Variants in OR5A1 observed in about 807,000 individuals in gnomAD.
The protein encoded by OR5A1 is olfactory receptor family 5 subfamily A member 1, also known as olfactory receptor 5A1.
A neutral mutation model predicts 6.7 loss-of-function variants in OR5A1; 6 were observed. The observed-to-expected ratio is 0.89, with a 90% CI of 0.49 to 1.76. OR5A1 has a LOEUF of 1.76. OR5A1 is among the 40% of genes most tolerant of loss of function. The pLI is 0.01. For missense variants in OR5A1, 378 were observed against 381.7 expected (o/e 0.99, Z 0.08); for synonymous variants, 170 against 155.0 (o/e 1.10, Z -0.72).
Position 59,448,604 on chromosome 11 carries a change from G to A in OR5A1, c.*4488G>A, listed in dbSNP as rs1484402775. Reference sequence around the variant, plus strand: ...ATCAAATGCCACTTCCCCCAAGGAAGCATTCCCAGACTCCCTGGACCTCAC... The same window carrying A: ...ATCAAATGCCACTTCCCCCAAGGAAACATTCCCAGACTCCCTGGACCTCAC... On this transcript the variant is annotated 3_prime_UTR_variant, in exon 2 of 2. Transcript: ENST00000641045. 1 of 152,148 alleles carries A rather than the reference G, an allele frequency of 6.6e-6. No homozygotes were observed. The highest frequency in any genetic ancestry group is 1.5e-5 in the Non-Finnish European group (1 of 68,030). 9.4% of individuals were successfully genotyped at this position (152,148 alleles called of 1,614,324 possible). A position where few individuals can be genotyped will look rare whatever the true frequency, so the allele number is the denominator to read the frequency against.
At position 59,451,040 on chromosome 11, in the gene OR5A1, G is replaced by A. The variant is rs972631621; in HGVS notation, c.*6924G>A. ...TCCTAAAGTAGAAATTTTGAGTCAC[G>A]GGGTTTGTACATATTACATTTTGAC... On this transcript the variant is annotated 3_prime_UTR_variant, in exon 2 of 2. Coordinates refer to ENST00000641045, the MANE Select transcript of OR5A1 (RefSeq NM_001004728.2). The A allele has an allele frequency of 6.6e-6, 1 of 152,050 alleles. No individual in the cohort carries two copies. Among genetic ancestry groups the A allele is most frequent in the African/African-American group, 2.4e-5 (1 of 41,408 alleles). The allele number at this position is 152,050 out of a possible 1,614,324, so 9.4% of individuals were successfully genotyped here.
rs1246636103 is a variant in OR5A1, at chr11:59,448,534, G to GA, written c.*4424dup. On this transcript the variant is annotated 3_prime_UTR_variant, in exon 2 of 2. Coordinates refer to ENST00000641045, the MANE Select transcript of OR5A1 (RefSeq NM_001004728.2). ...AAAATTGATTTTTAGAAATCTCTTA[G>GA]AAAAAATTTAAAACATTATATAAAT... The GA allele has an allele frequency of 1.3e-5, 2 of 152,264 alleles. No individual in the cohort carries two copies. The highest frequency in any genetic ancestry group is 2.9e-5 in the Non-Finnish European group (2 of 68,018). The allele number at this position is 152,264 out of a possible 1,614,324, so 9.4% of individuals were successfully genotyped here.
At chr11:59,438,627 C>T (rs1031390784) in intron 1 of OR5A1, among the ~76,000 whole-genome samples, 17 of 152,138 alleles carry the variant, frequency 1.1e-4, no homozygotes, top group African/African-American at 4.1e-4. Context: ...CATTTGAGCC[C>T]TTGCAACTAC....
chr11:59,443,810 C>A lies in OR5A1; in HGVS notation c.642C>A (p.Phe214Leu). 2.5e-6 allele frequency: 4 copies of A among 1,614,110 alleles called. No individual in the cohort carries two copies. The highest frequency in any genetic ancestry group is 3.4e-6 in the Non-Finnish European group (4 of 1,180,012). ...LVVVTVGGTS[F>L]LQLLISYGYI... ...TGGTCACTGTCGGAGGAACATCGTT[C>A]CTCCAACTCCTTATCTCCTATGGTT... The change falls in exon 2 of 2, where the codon TTC (phenylalanine) becomes TTA (leucine). Residue 214 changes from phenylalanine to leucine, a missense_variant. Coordinates refer to ENST00000641045, the MANE Select transcript of OR5A1 (RefSeq NM_001004728.2).
rs35421205 is a variant in OR5A1, at chr11:59,444,319, GAAAA to G, written c.*220_*223del. ...GCCAAAAAGGGAAGGAATTTCTTCAGAAAAAAAAAAAAAAAAAAAAGAACCTCCC... is the reference window on the plus strand; with the variant it reads ...GCCAAAAAGGGAAGGAATTTCTTCAGAAAAAAAAAAAAAAAAGAACCTCCC... On this transcript the variant is annotated 3_prime_UTR_variant, in exon 2 of 2. Transcript: ENST00000641045. The G allele has an allele frequency of 2.1e-4, 17 of 81,428 alleles. No individual in the cohort carries two copies. Among genetic ancestry groups the G allele is most frequent in the Non-Finnish European group, 3.0e-4 (13 of 43,648 alleles). 5.0% of individuals were successfully genotyped at this position (81,428 alleles called of 1,614,324 possible).
rs915134731 is a variant in OR5A1, at chr11:59,445,870, C to A, written c.*1754C>A. ...TTTAGATAGGGTTGTTTGTTTTTTTCTTGTAAATTTGTTTAAGTTACCTTT... is the reference window on the plus strand; with the variant it reads ...TTTAGATAGGGTTGTTTGTTTTTTTATTGTAAATTTGTTTAAGTTACCTTT... On this transcript the variant is annotated 3_prime_UTR_variant, in exon 2 of 2. Coordinates refer to ENST00000641045, the MANE Select transcript of OR5A1 (RefSeq NM_001004728.2). 6 of 151,658 alleles carry A rather than the reference C, an allele frequency of 4.0e-5. No individual in the cohort carries two copies. Among genetic ancestry groups the A allele is most frequent in the African/African-American group, 1.5e-4 (6 of 41,312 alleles). 9.4% of individuals were successfully genotyped at this position (151,658 alleles called of 1,614,324 possible).
intron 1 of OR5A1, among the ~76,000 whole-genome samples, chr11:59,441,173 C>T (rs926649599): frequency 5.3e-5 from 8 of 152,106 alleles, no homozygotes; most frequent in Non-Finnish European, 8.8e-5. Flanking sequence ...AGTATTACTT[C>T]CCAAATTGTG....
rs776638250 is a variant in OR5A1 at position 59,443,136 on chromosome 11, G to A, written c.-33G>A. The A allele has an allele frequency of 2.6e-5, 40 of 1,539,344 alleles. No homozygotes were observed. The highest frequency in any genetic ancestry group is 3.4e-5 in the Non-Finnish European group (38 of 1,116,048). On this transcript the variant is annotated splice_region_variant and 5_prime_UTR_variant, in exon 2 of 2. Transcript: ENST00000641045. Reference sequence around the variant, plus strand: ...ATGTGGACTGTCATTACTATCCCAGGTCTGCATCTTGTCCTTGTGGTCCAC... The same window carrying A: ...ATGTGGACTGTCATTACTATCCCAGATCTGCATCTTGTCCTTGTGGTCCAC...
At chr11:59,441,745 T>A (rs952940454) in intron 1 of OR5A1, among the ~76,000 whole-genome samples, 4 of 152,182 alleles carry the variant, frequency 2.6e-5, no homozygotes, top group Non-Finnish European at 5.9e-5. Flanking sequence ...AGATGCTTCA[T>A]GCACTAAAAA....
intron 1 of OR5A1, among the ~76,000 whole-genome samples, chr11:59,441,827 A>G (rs1306422067): frequency 6.6e-6 from 1 of 152,202 alleles, no homozygotes; most frequent in Non-Finnish European, 1.5e-5. Context: ...ACAAATACTT[A>G]TAGAACAGTT....
rs910613620 is a variant in OR5A1 at position 59,449,796 on chromosome 11, T to C, written c.*5680T>C. On this transcript the variant is annotated 3_prime_UTR_variant, in exon 2 of 2. Transcript: ENST00000641045. The stretch of plus-strand genomic sequence containing the variant: ...TGGCGTAAAGGAAAACAAATACTTG[T>C]TGGGGAACTACTGCACATCAGGAGT... The C allele has an allele frequency of 6.6e-6, 1 of 152,158 alleles. No homozygotes were observed. Among genetic ancestry groups the C allele is most frequent in the South Asian group, 2.1e-4 (1 of 4,836 alleles). 9.4% of individuals were successfully genotyped at this position (152,158 alleles called of 1,614,324 possible). A position where few individuals can be genotyped will look rare whatever the true frequency, so the allele number is the denominator to read the frequency against.
chr11:59,440,662 T>C (rs1434312648), intron 1 of OR5A1, among the ~76,000 whole-genome samples: 1 of 152,192 alleles, frequency 6.6e-6, no homozygotes, highest in Admixed American at 6.5e-5. Context: ...CTTCTTGTTT[T>C]AGCTCCCAGT....
At position 59,442,357 on chromosome 11, in the gene OR5A1, G is replaced by A. The variant is rs180768309; in HGVS notation, c.-33-779G>A. 6.9e-3 allele frequency among the ~76,000 whole-genome samples: 1,048 copies of A among 152,262 alleles called. 13 individuals carry two copies. The highest frequency in any genetic ancestry group is 0.024 in the African/African-American group (986 of 41,550). The stretch of plus-strand genomic sequence containing the variant: ...CTCAGGAGGCTGAAGCGGGAGAATC[G>A]CTTGAACCCAGGAGGCGGAGGTTGC... On this transcript the variant is annotated intron_variant, in intron 1 of 1. Transcript: ENST00000641045.
chr11:59,444,010 A>G lies in OR5A1; in HGVS notation c.842A>G (p.Tyr281Cys), dbSNP rs374387013. 6.8e-6 allele frequency: 11 copies of G among 1,613,902 alleles called. No homozygotes were observed. In the African/African-American group the frequency reaches 9.4e-5, roughly 14 times the overall value. The change falls in exon 2 of 2, where the codon TAT (tyrosine) becomes TGT (cysteine). Residue 281 changes from tyrosine (Y) to cysteine (C), a missense_variant. Coordinates refer to ENST00000641045, the MANE Select transcript of OR5A1 (RefSeq NM_001004728.2). ...AGGGACAAGGTGGTGTCTGTTTTCT[A>G]TTCATTGGTGATCCCCATGCTGAAC... ...LGRDKVVSVF[Y>C]SLVIPMLNPL...
rs1236183089 is a variant in OR5A1 at position 59,443,895 on chromosome 11, A to T, written c.727A>T (p.Thr243Ser). 6.2e-7 allele frequency: 1 copy of T among 1,614,038 alleles called. No homozygotes were observed. Among genetic ancestry groups the T allele is most frequent in the Non-Finnish European group, 8.5e-7 (1 of 1,179,982 alleles). ...SAEGRWKACN[T>S]CASHLMVVTL... Reference sequence around the variant, plus strand: ...AGAGGGCCGATGGAAAGCCTGCAACACGTGTGCCTCGCATCTGATGGTGGT... The same window carrying T: ...AGAGGGCCGATGGAAAGCCTGCAACTCGTGTGCCTCGCATCTGATGGTGGT... The change falls in exon 2 of 2, where the codon ACG (threonine) becomes TCG (serine). Residue 243 changes from threonine to serine, a missense_variant. Coordinates refer to ENST00000641045, the MANE Select transcript of OR5A1 (RefSeq NM_001004728.2).
Position 59,443,975 on chromosome 11 carries a change from C to T in OR5A1, c.807C>T (p.Tyr269=). The change falls in exon 2 of 2, where the codon TAC becomes TAT. Residue 269 remains tyrosine, a synonymous_variant. Coordinates refer to ENST00000641045, the MANE Select transcript of OR5A1 (RefSeq NM_001004728.2). ...TGTACTTGCGACCCAGCTCCAGCTA[C>T]TTGCTAGGCAGGGACAAGGTGGTGT... The part of the protein sequence containing the change: ...LFVYLRPSSS[Y]LLGRDKVVSV... The T allele has an allele frequency of 6.2e-7, 1 of 1,614,152 alleles. No homozygotes were observed. The highest frequency in any genetic ancestry group is 8.5e-7 in the Non-Finnish European group (1 of 1,180,006).
At chr11:59,438,113 C>G (rs1858442415) in intron 1 of OR5A1, among the ~76,000 whole-genome samples, 1 of 152,196 alleles carries the variant, frequency 6.6e-6, no homozygotes, top group African/African-American at 2.4e-5. Flanking sequence ...TAGCTTCCTG[C>G]AGCCCTCACC....
chr11:59,442,556 G>A (rs1182691753), intron 1 of OR5A1, among the ~76,000 whole-genome samples: 2 of 152,084 alleles, frequency 1.3e-5, no homozygotes, highest in East Asian at 1.9e-4. Context: ...CCCAATATTC[G>A]ACAATTAAGA....
Position 59,444,069 on chromosome 11 carries a change from A to G in OR5A1, c.901A>G (p.Lys301Glu). ...LIYSLRNKEI[K>E]DALWKVLERK... ...TTACAGTTTGAGGAACAAAGAGATC[A>G]AGGATGCCCTGTGGAAGGTGTTGGA... Residue 301 changes from lysine (K) to glutamate (E), a missense_variant, in exon 2 of 2, where the codon AAG becomes GAG. Lys to Glu is a moderately conservative substitution (Grantham distance 56). Coordinates refer to ENST00000641045, the MANE Select transcript of OR5A1 (RefSeq NM_001004728.2). 1 of 1,614,094 alleles carries G rather than the reference A, an allele frequency of 6.2e-7. No individual in the cohort carries two copies. Among genetic ancestry groups the G allele is most frequent in the African/African-American group, 1.3e-5 (1 of 75,030 alleles).
Sources: allele counts gnomAD v4.1 joint callset (sites outside exome capture counted in the v4.1 genomes callset), GRCh38; gene constraint gnomAD v4.1.1; transcripts MANE v1.5; gene names NCBI Gene and HGNC (gene_info 2026-07-23, HGNC 2026-07-21).